The following ASTN2 variants were observed in gnomAD, a reference collection of about 807,000 sequenced individuals.
The protein encoded by ASTN2 is astrotactin 2.
ASTN2 carries 54 observed loss-of-function variants against 139.8 expected under a neutral mutation model. The ratio of observed to expected loss-of-function variants is 0.39; its 90% CI spans 0.31 to 0.48. The LOEUF is 0.48. Ranked by LOEUF, ASTN2 falls within the 20% of genes least tolerant of loss-of-function variation. ASTN2 has a pLI of 0.95. For missense variants in ASTN2, 1,565 were observed against 1,725.1 expected (o/e 0.91, Z 1.64); for synonymous variants, 756 against 719.5 (o/e 1.05, Z -0.81).
intron 17 of ASTN2, among the ~76,000 whole-genome samples, chr9:116,639,392 C>A (rs1037369564): frequency 1.3e-5 from 2 of 152,184 alleles, no homozygotes; most frequent in Non-Finnish European, 2.9e-5. Context: ...CAAACTCATG[C>A]TGCTTTCAAC....
chr9:117,383,669 G>A (rs1399000241), intron 1 of ASTN2, among the ~76,000 whole-genome samples: 1 of 152,116 alleles, frequency 6.6e-6, no homozygotes, highest in East Asian at 1.9e-4. Context: ...GGGCTCAAAT[G>A]CTAACAGAAA....
At chr9:117,326,779 A>T (rs1828533145) in intron 1 of ASTN2, among the ~76,000 whole-genome samples, 1 of 152,150 alleles carries the variant, frequency 6.6e-6, no homozygotes, top group African/African-American at 2.4e-5. Context: ...ATCTTCAAGA[A>T]ATTAGGGTGA....
intron 2 of ASTN2, 97 bp from the exon 3 acceptor site, chr9:117,214,839 T>A: frequency 7.8e-7 from 1 of 1,289,122 alleles, no homozygotes; most frequent in Non-Finnish European, 9.9e-7. Context: ...CCAGGATCCC[T>A]GGGTTTGGCT....
At chr9:116,658,263 A>G (rs1172367232) in intron 16 of ASTN2, among the ~76,000 whole-genome samples, 1 of 152,172 alleles carries the variant, frequency 6.6e-6, no homozygotes, top group African/African-American at 2.4e-5. Context: ...GCAACTGGCA[A>G]GAAAATGGAC....
intron 19 of ASTN2, among the ~76,000 whole-genome samples, chr9:116,565,643 A>AT (rs1853195415): frequency 6.7e-6 from 1 of 149,308 alleles, no homozygotes; most frequent in African/African-American, 2.5e-5. Flanking sequence ...TGGCCTGGCT[A>AT]TTTTTTTGTT....
At position 116,703,729 on chromosome 9, in the gene ASTN2, TA is replaced by T. The variant is rs33973593; in HGVS notation, c.2806+22041del. Among the ~76,000 whole-genome samples the T allele has an allele frequency of 2.1e-3, 300 of 145,794 alleles. 1 individual carries two copies. The highest frequency in any genetic ancestry group is 3.5e-3 in the Middle Eastern group (1 of 282). ...TACCCTAAAACTTAAAGTATAATAA[TA>T]AAAAAAAAAAAAGTGCAGTGTTACT... On this transcript the variant is annotated intron_variant, in intron 16 of 22. Transcript: ENST00000313400.
chr9:116,931,941 A>T (rs923274971), intron 10 of ASTN2, among the ~76,000 whole-genome samples: 1 of 152,140 alleles, frequency 6.6e-6, no homozygotes, highest in Non-Finnish European at 1.5e-5. Context: ...GCAATCACAA[A>T]GGGATGGAGA....
At chr9:117,144,378 G>C (rs1375213574) in intron 3 of ASTN2, among the ~76,000 whole-genome samples, 1 of 152,194 alleles carries the variant, frequency 6.6e-6, no homozygotes, top group East Asian at 1.9e-4. Context: ...TGGACATGAT[G>C]TTTGAATGTT....
At chr9:116,942,934 C>T (rs1242265442) in intron 10 of ASTN2, among the ~76,000 whole-genome samples, 3 of 152,230 alleles carry the variant, frequency 2.0e-5, no homozygotes, top group Non-Finnish European at 2.9e-5. Context: ...TAACTCTCCT[C>T]TTTGTGGTCC....
intron 2 of ASTN2, among the ~76,000 whole-genome samples, chr9:117,252,939 T>C (rs1833577934): frequency 1.3e-5 from 1 of 74,346 alleles, no homozygotes; most frequent in Admixed American, 1.2e-4. Context: ...CTATGTTATA[T>C]GTTGTTGTTG....
At chr9:117,219,629 G>T (rs1206953986) in intron 2 of ASTN2, among the ~76,000 whole-genome samples, 1 of 152,200 alleles carries the variant, frequency 6.6e-6, no homozygotes, top group Admixed American at 6.5e-5. Context: ...TAGTTACAGG[G>T]TTGCTTCTGT....
intron 1 of ASTN2, among the ~76,000 whole-genome samples, chr9:117,391,255 A>G (rs923612283): frequency 6.6e-6 from 1 of 152,216 alleles, no homozygotes; most frequent in African/African-American, 2.4e-5. Context: ...ATGGGAAGTC[A>G]TCATGAATTT....
intron 1 of ASTN2, among the ~76,000 whole-genome samples, chr9:117,401,534 C>T (rs183016362): frequency 1.3e-5 from 2 of 152,220 alleles, no homozygotes; most frequent in Admixed American, 1.3e-4. Flanking sequence ...AATTGCAGGT[C>T]GTAAACAGGG....
chr9:117,094,190 A>AGGAGG, intron 5 of ASTN2, among the ~76,000 whole-genome samples: 2 of 40,964 alleles, frequency 4.9e-5, no homozygotes, highest in African/African-American at 1.4e-4. Flanking sequence ...GAGGGAGGAG[A>AGGAGG]GGAGAGGAGA....
intron 1 of ASTN2, among the ~76,000 whole-genome samples, chr9:117,410,571 G>C: frequency 6.6e-6 from 1 of 152,294 alleles, no homozygotes; most frequent in Non-Finnish European, 1.5e-5. Flanking sequence ...GGGGATAAAT[G>C]ACTTATTCAA....
chr9:116,787,628 A>G (rs996214085), intron 13 of ASTN2, among the ~76,000 whole-genome samples: 6 of 152,158 alleles, frequency 3.9e-5, no homozygotes, highest in Admixed American at 1.3e-4. Flanking sequence ...CACTTACTCC[A>G]GCAATTAAAA....
At chr9:116,770,337 C>A (rs1372901910) in intron 13 of ASTN2, among the ~76,000 whole-genome samples, 2 of 152,140 alleles carry the variant, frequency 1.3e-5, no homozygotes, top group Non-Finnish European at 2.9e-5. Context: ...CAGACCAGTC[C>A]TTTCCTCACC....
intron 19 of ASTN2, among the ~76,000 whole-genome samples, chr9:116,497,218 T>C (rs549970292): frequency 2.6e-4 from 40 of 152,322 alleles, no homozygotes; most frequent in Admixed American, 7.8e-4. Flanking sequence ...CAAGAGGATA[T>C]GGCATGGCCC....
chr9:116,529,305 G>A (rs1435809182), intron 19 of ASTN2, among the ~76,000 whole-genome samples: 1 of 152,122 alleles, frequency 6.6e-6, no homozygotes, highest in African/African-American at 2.4e-5. Flanking sequence ...GGACCTTTAA[G>A]ATTTAATGAC....
Sources: allele counts gnomAD v4.1 joint callset (sites outside exome capture counted in the v4.1 genomes callset), GRCh38; gene constraint gnomAD v4.1.1; transcripts MANE v1.5; gene names NCBI Gene and HGNC (gene_info 2026-07-23, HGNC 2026-07-21).